DLGAP1: variants seen among roughly 807,000 people sequenced by gnomAD.
DLGAP1 encodes the protein DLG associated protein 1.
Under a neutral mutation model 90.8 loss-of-function variants are expected in DLGAP1, and 11 were observed. The ratio of observed to expected loss-of-function variants is 0.12; its 90% CI spans 0.08 to 0.20. The LOEUF (loss-of-function observed/expected upper bound fraction) is 0.20, where lower values mean the gene tolerates loss of function less well. Ranked by LOEUF, DLGAP1 falls within the 10% of genes least tolerant of loss-of-function variation. DLGAP1 has a pLI of 1.00. For missense variants in DLGAP1, 1,050 were observed against 1,333.8 expected (o/e 0.79, Z 3.31); for synonymous variants, 558 against 540.7 (o/e 1.03, Z -0.44).
intron 1 of DLGAP1, among the ~76,000 whole-genome samples, chr18:4,427,214 G>A (rs2083177615): frequency 6.6e-6 from 1 of 152,162 alleles, no homozygotes; most frequent in African/African-American, 2.4e-5. Flanking sequence ...ATATCATATT[G>A]AGCAAAGCCA....
chr18:4,194,407 AATC>A (rs1192507121), intron 1 of DLGAP1, among the ~76,000 whole-genome samples: 1 of 152,214 alleles, frequency 6.6e-6, no homozygotes, highest in Non-Finnish European at 1.5e-5. Flanking sequence ...CCAATCATTA[AATC>A]ATTAGCTTTA....
chr18:3,573,998 G>C (rs1282254802), intron 8 of DLGAP1, among the ~76,000 whole-genome samples: 5 of 152,150 alleles, frequency 3.3e-5, no homozygotes, highest in Non-Finnish European at 5.9e-5. Flanking sequence ...CACTGAGCCT[G>C]ACCTCTTTCC....
intron 5 of DLGAP1, among the ~76,000 whole-genome samples, chr18:3,760,818 T>C (rs2063930821): frequency 6.6e-6 from 1 of 152,138 alleles, no homozygotes; most frequent in African/African-American, 2.4e-5. Flanking sequence ...CAGATAAAAA[T>C]GTGATTTTCT....
intron 1 of DLGAP1, among the ~76,000 whole-genome samples, chr18:4,227,414 C>G (rs1211555937): frequency 6.6e-6 from 1 of 151,962 alleles, no homozygotes; most frequent in Middle Eastern, 3.2e-3. Flanking sequence ...TTCTCCACAG[C>G]ACATGAATCA....
chr18:4,146,388 T>C (rs1200717229), intron 2 of DLGAP1, among the ~76,000 whole-genome samples: 2 of 152,228 alleles, frequency 1.3e-5, no homozygotes, highest in African/African-American at 2.4e-5. Flanking sequence ...AAATCCTGCC[T>C]TTTCAACTCT....
chr18:3,600,731 TATATATAGATATATAGATATATATAG>T (rs2056866888), intron 7 of DLGAP1, among the ~76,000 whole-genome samples: 1 of 37,778 alleles, frequency 2.6e-5, no homozygotes, highest in Non-Finnish European at 4.8e-5. Flanking sequence ...GAGATATAGA[TATATATAGATATATAGATATATATAG>T]ATATATAGAT....
At chr18:3,958,545 T>C (rs1285697017) in intron 3 of DLGAP1, among the ~76,000 whole-genome samples, 1 of 133,950 alleles carries the variant, frequency 7.5e-6, no homozygotes, top group Admixed American at 8.0e-5. Context: ...AGAAAACAAA[T>C]GAAAGATTCA....
intron 4 of DLGAP1, among the ~76,000 whole-genome samples, chr18:3,867,963 A>G (rs1705445819): frequency 1.3e-5 from 2 of 152,138 alleles, no homozygotes. Flanking sequence ...TACCTACACG[A>G]TAATTTTCGG....
intron 3 of DLGAP1, among the ~76,000 whole-genome samples, chr18:3,984,791 CT>C (rs1157285600): frequency 1.3e-5 from 2 of 152,060 alleles, no homozygotes; most frequent in Admixed American, 1.3e-4. Flanking sequence ...CCAGGTTCAT[CT>C]TTCCCCTGTT....
intron 4 of DLGAP1, among the ~76,000 whole-genome samples, chr18:3,852,729 T>A (rs1446802384): frequency 1.3e-5 from 2 of 152,190 alleles, no homozygotes; most frequent in Admixed American, 1.3e-4. Flanking sequence ...TGGAAATACC[T>A]TTTCTGCATA....
intron 3 of DLGAP1, among the ~76,000 whole-genome samples, chr18:3,890,817 C>T (rs1331053892): frequency 1.3e-5 from 2 of 152,152 alleles, no homozygotes; most frequent in Non-Finnish European, 2.9e-5. Context: ...CAGACTTGAA[C>T]TCCTGGGCGC....
intron 7 of DLGAP1, among the ~76,000 whole-genome samples, chr18:3,674,296 A>AAAAAAAAAAAAATATATATATAT (rs755076240): frequency 4.0e-4 from 52 of 128,986 alleles, no homozygotes; most frequent in African/African-American, 1.5e-3. Flanking sequence ...ATAATATTAA[A>AAAAAAAAAAAAATATATATATAT]ATATATATAT....
intron 3 of DLGAP1, among the ~76,000 whole-genome samples, chr18:3,961,143 A>G (rs558935978): frequency 6.6e-6 from 1 of 152,058 alleles, no homozygotes; most frequent in Non-Finnish European, 1.5e-5. Context: ...AGACACAGAG[A>G]GGGAAGACAG....
chr18:3,622,096 C>T (rs928768472), intron 7 of DLGAP1, among the ~76,000 whole-genome samples: 1 of 151,586 alleles, frequency 6.6e-6, no homozygotes, highest in Admixed American at 6.6e-5. Context: ...ACTGACTCTA[C>T]AATTAAGCTG....
chr18:4,208,949 C>G (rs1039759847), intron 1 of DLGAP1, among the ~76,000 whole-genome samples: 1 of 152,114 alleles, frequency 6.6e-6, no homozygotes, highest in African/African-American at 2.4e-5. Context: ...AGAGAGCTCC[C>G]ACGTGACCAC....
chr18:3,561,266 C>CAAAAAAAAAAAAA (rs71159092), intron 9 of DLGAP1, among the ~76,000 whole-genome samples: 3 of 110,470 alleles, frequency 2.7e-5, no homozygotes, highest in Admixed American at 1.0e-4. Flanking sequence ...AAAAAAAAAA[C>CAAAAAAAAAAAAA]AAAAAAAAAA....
intron 3 of DLGAP1, among the ~76,000 whole-genome samples, chr18:3,884,707 A>C (rs2071264873): frequency 6.6e-6 from 1 of 152,206 alleles, no homozygotes; most frequent in African/African-American, 2.4e-5. Flanking sequence ...TTTTACTAAA[A>C]TTTAACTGGG....
intron 7 of DLGAP1, among the ~76,000 whole-genome samples, chr18:3,720,210 G>A (rs2061923582): frequency 1.3e-5 from 2 of 152,138 alleles, no homozygotes; most frequent in South Asian, 2.1e-4. Context: ...TCTTCCATAA[G>A]TTTAATTAGA....
chr18:3,507,853 C>T (rs1384877904), intron 11 of DLGAP1, among the ~76,000 whole-genome samples: 1 of 151,078 alleles, frequency 6.6e-6, no homozygotes, highest in Non-Finnish European at 1.5e-5. Flanking sequence ...TCTCCTGCCT[C>T]AGCCTCCTGA....
Sources: allele counts gnomAD v4.1 joint callset (sites outside exome capture counted in the v4.1 genomes callset), GRCh38; gene constraint gnomAD v4.1.1; transcripts MANE v1.5; gene names NCBI Gene and HGNC (gene_info 2026-07-23, HGNC 2026-07-21).